CAMSAP2: variants seen among roughly 807,000 people sequenced by gnomAD.
CAMSAP2 encodes the protein calmodulin regulated spectrin associated protein family member 2.
Under a neutral mutation model 146.1 loss-of-function variants are expected in CAMSAP2, and 26 were observed. The observed-to-expected ratio is 0.18, with a 90% confidence interval of 0.13 to 0.25. The LOEUF (loss-of-function observed/expected upper bound fraction) is 0.25, where lower values mean the gene tolerates loss of function less well. CAMSAP2 is among the 10% of genes least tolerant of loss of function. The probability of loss-of-function intolerance (pLI) is 1.00; values close to 1 mark genes in which losing one functional copy is unlikely to be tolerated. For missense variants in CAMSAP2, 1,381 were observed against 1,759.3 expected (o/e 0.78, Z 3.85); for synonymous variants, 499 against 596.6 (o/e 0.84, Z 2.38).
At chr1:200,815,416 T>A (rs2102165891) in intron 3 of CAMSAP2, 145 bp from the exon 4 acceptor site, 1 of 424,386 alleles carries the variant, frequency 2.4e-6, no homozygotes, top group East Asian at 3.7e-5. Context: ...ATTGTGAAGC[T>A]GAAATTTTCT....
At chr1:200,838,929 T>G (rs61577877) in intron 6 of CAMSAP2, among the ~76,000 whole-genome samples, 307 of 152,302 alleles carry the variant, frequency 2.0e-3, no homozygotes, top group African/African-American at 6.7e-3. Context: ...CAAGGATGAC[T>G]CCTAGGTTTC....
At chr1:200,754,253 C>G (rs1664586358) in intron 1 of CAMSAP2, among the ~76,000 whole-genome samples, 1 of 152,078 alleles carries the variant, frequency 6.6e-6, no homozygotes, top group African/African-American at 2.4e-5. Flanking sequence ...TTATAGAAGC[C>G]TGGTAGACTA....
intron 1 of CAMSAP2, among the ~76,000 whole-genome samples, chr1:200,746,808 C>T (rs904395173): frequency 4.6e-5 from 7 of 151,640 alleles, no homozygotes; most frequent in Non-Finnish European, 7.4e-5. Flanking sequence ...TTAGTAGAGA[C>T]GGGGTTTCAC....
chr1:200,813,997 A>G (rs771967186), intron 3 of CAMSAP2, among the ~76,000 whole-genome samples: 35 of 150,736 alleles, frequency 2.3e-4, no homozygotes, highest in Admixed American at 4.0e-4. Flanking sequence ...GGTCCCAGCT[A>G]TTCGAGAGGC....
At position 200,738,940 on chromosome 1, in the gene CAMSAP2, A is replaced by AGCGGCGGCGGCGGCGGCG. The variant is rs537301220; in HGVS notation, c.-871_-870insGGCGGCGGCGGCGGCGGC. ...TCCAGTGCCGCAGCCGGAAAACCGC[A>AGCGGCGGCGGCGGCGGCG]GCGGCGGCGGCGGCGGCTGAGGGGG... On this transcript the variant is annotated 5_prime_UTR_variant, in exon 1 of 17. Transcript: ENST00000358823. 1.1e-4 allele frequency among the ~76,000 whole-genome samples: 17 copies of AGCGGCGGCGGCGGCGGCG among 149,124 alleles called. No homozygotes were observed. The highest frequency in any genetic ancestry group is 7.3e-4 in the Admixed American group (11 of 15,112).
At position 200,824,695 on chromosome 1, in the gene CAMSAP2, C is replaced by T. The variant is rs536961576; in HGVS notation, c.646-7505C>T. 1.7e-4 allele frequency among the ~76,000 whole-genome samples: 26 copies of T among 152,240 alleles called. No homozygotes were observed. In the East Asian group the frequency reaches 4.8e-3, roughly 28 times the overall value. ...CATACCAATATGAAAAATAAACCTA[C>T]TGGCCGGGCATGGTGGCTCAAGCCT... On this transcript the variant is annotated intron_variant, in intron 4 of 16. Transcript: ENST00000358823.
chr1:200,844,368 T>G (rs544918227), intron 7 of CAMSAP2, among the ~76,000 whole-genome samples: 1 of 151,568 alleles, frequency 6.6e-6, no homozygotes. Context: ...GCCAATATGG[T>G]GAAACCCTGT....
At chr1:200,741,058 G>A (rs7520780) in intron 1 of CAMSAP2, among the ~76,000 whole-genome samples, 15,375 of 152,086 alleles carry the variant, frequency 0.1, 869 homozygotes, top group East Asian at 0.17. Flanking sequence ...TAATGTTTTG[G>A]TAAATGGTTT....
intron 2 of CAMSAP2, among the ~76,000 whole-genome samples, chr1:200,778,914 G>T (rs556172909): frequency 1.3e-5 from 2 of 152,026 alleles, no homozygotes; most frequent in African/African-American, 4.8e-5. Context: ...TATGACCTAC[G>T]GCTCTTGGCG....
chr1:200,847,605 T>C (rs1667493680), intron 9 of CAMSAP2, 35 bp from the exon 10 acceptor site: 1 of 1,549,068 alleles, frequency 6.5e-7, no homozygotes, highest in Non-Finnish European at 8.9e-7. Flanking sequence ...TTTTTTTACA[T>C]GATTTCAATG....
chr1:200,763,174 A>G (rs1453840149), intron 2 of CAMSAP2, among the ~76,000 whole-genome samples: 3 of 152,174 alleles, frequency 2.0e-5, no homozygotes, highest in African/African-American at 7.2e-5. Flanking sequence ...TGCTGAGATT[A>G]CAGGTGCACG....
rs114399985 is a variant in CAMSAP2 at position 200,858,773 on chromosome 1, A to G, written c.*714A>G. 835 of 152,784 alleles carry G rather than the reference A, an allele frequency of 5.5e-3. 9 individuals carry two copies. Among genetic ancestry groups the G allele is most frequent in the Non-Finnish European group, 5.3e-3 (359 of 67,920 alleles). 9.5% of individuals were successfully genotyped at this position (152,784 alleles called of 1,614,324 possible). ...GCTTTAAACCACATGAGCTTAACCA[A>G]GAATATGTTATGAGAAGTTGCTGAT... On this transcript the variant is annotated 3_prime_UTR_variant, in exon 17 of 17. Transcript: ENST00000358823.
rs1558190725 is a variant in CAMSAP2 at position 200,816,723 on chromosome 1, C to CATATATGTGTGTATACACACACGCGTGT, written c.645+1092_645+1093insTACACACACGCGTGTATATATGTGTGTA. On this transcript the variant is annotated intron_variant, in intron 4 of 16. Transcript: ENST00000358823. ...ATATATGTGTATATATACACACGCA[C>CATATATGTGTGTATACACACACGCGTGT]ATATATGTGTGTACACACACACGCG... Among the ~76,000 whole-genome samples, 90 of 45,942 alleles carry CATATATGTGTGTATACACACACGCGTGT rather than the reference C, an allele frequency of 2.0e-3. 32 individuals are homozygous for CATATATGTGTGTATACACACACGCGTGT. The highest frequency in any genetic ancestry group is 3.4e-3 in the Non-Finnish European group (61 of 18,142). 30.1% of individuals were successfully genotyped at this position (45,942 alleles called of 152,430 possible).
At chr1:200,780,519 C>A (rs1206519438) in intron 2 of CAMSAP2, among the ~76,000 whole-genome samples, 1 of 152,156 alleles carries the variant, frequency 6.6e-6, no homozygotes, top group East Asian at 1.9e-4. Flanking sequence ...CTGGTACCCA[C>A]CAGATCTACA....
At chr1:200,743,102 A>C (rs1664224378) in intron 1 of CAMSAP2, among the ~76,000 whole-genome samples, 1 of 152,354 alleles carries the variant, frequency 6.6e-6, no homozygotes, top group South Asian at 2.1e-4. Context: ...TAGTTCAACT[A>C]TCTGTGCCTT....
intron 4 of CAMSAP2, among the ~76,000 whole-genome samples, chr1:200,826,303 A>G (rs553365410): frequency 1.3e-5 from 2 of 152,018 alleles, no homozygotes; most frequent in East Asian, 3.9e-4. Flanking sequence ...ATGGTGGTGC[A>G]TGCCTGTTGT....
chr1:200,816,618 ATATATATG>A (rs1250440723), intron 4 of CAMSAP2, among the ~76,000 whole-genome samples: 5 of 140,198 alleles, frequency 3.6e-5, no homozygotes, highest in Admixed American at 7.1e-5. Flanking sequence ...ATATATATAT[ATATATATG>A]TATATATATA....
chr1:200,821,174 T>G (rs1466063662), intron 4 of CAMSAP2, among the ~76,000 whole-genome samples: 2 of 151,680 alleles, frequency 1.3e-5, no homozygotes, highest in African/African-American at 4.8e-5. Flanking sequence ...GCCTGCTTCT[T>G]CTTCTTCTTT....
chr1:200,834,387 T>C (rs1167678038), intron 6 of CAMSAP2, among the ~76,000 whole-genome samples: 1 of 152,044 alleles, frequency 6.6e-6, no homozygotes, highest in East Asian at 1.9e-4. Context: ...ATTATTATCA[T>C]CATCACGAAT....
Sources: allele counts gnomAD v4.1 joint callset (sites outside exome capture counted in the v4.1 genomes callset), GRCh38; gene constraint gnomAD v4.1.1; transcripts MANE v1.5; gene names NCBI Gene and HGNC (gene_info 2026-07-23, HGNC 2026-07-21).